LRP12: variants seen among roughly 807,000 people sequenced by gnomAD.
LRP12 encodes the protein LDL receptor related protein 12, also known as low-density lipoprotein receptor-related protein 12.
In LRP12, 14 loss-of-function variants were observed where a neutral mutation model predicts 66.0. The observed-to-expected ratio is 0.21, with a 90% CI of 0.14 to 0.33. The LOEUF (loss-of-function observed/expected upper bound fraction) is 0.33. LRP12 is among the 10% of genes least tolerant of loss of function. The probability of loss-of-function intolerance (pLI) is 1.00; values close to 1 mark genes in which losing one functional copy is unlikely to be tolerated. For missense variants in LRP12, 889 were observed against 1,053.4 expected (o/e 0.84, Z 2.16); for synonymous variants, 357 against 359.1 (o/e 0.99, Z 0.07).
Position 104,586,848 on chromosome 8 carries a change from C to T in LRP12, c.79+1971G>A, listed in dbSNP as rs986173753. On this transcript the variant is annotated intron_variant, in intron 1 of 6. Transcript: ENST00000276654. The stretch of plus-strand genomic sequence containing the variant: ...GTTCACTACCTCCTTTTTTTTTTTA[C>T]ACTTTGAAACCTGCTGTGGCTTGAG... 8.0e-5 allele frequency among the ~76,000 whole-genome samples: 12 copies of T among 149,590 alleles called. No individual in the cohort carries two copies. In the South Asian group the frequency reaches 1.3e-3, roughly 16 times the overall value.
intron 2 of LRP12, among the ~76,000 whole-genome samples, chr8:104,519,943 TG>T (rs1486732439): frequency 2.6e-5 from 4 of 152,060 alleles, no homozygotes; most frequent in African/African-American, 9.7e-5. Context: ...GGTAATTTCT[TG>T]GTATCTTGAA....
Position 104,497,601 on chromosome 8 carries a change from T to C in LRP12, c.951A>G (p.Ile317Met). The C allele has an allele frequency of 6.2e-7, 1 of 1,613,890 alleles. No homozygotes were observed. The highest frequency in any genetic ancestry group is 8.5e-7 in the Non-Finnish European group (1 of 1,179,942). ...DGTGYGDYVK[I>M]YDGLEENPHK... is the part of the protein sequence containing the mutation. ...GTGGATTCTCCTCTAATCCATCATA[T>C]ATTTTGACATAATCACCATAACCAG... Residue 317 changes from isoleucine to methionine, a missense_variant, in exon 5 of 7, where the codon ATA becomes ATG. Coordinates refer to ENST00000276654, the MANE Select transcript of LRP12 (RefSeq NM_013437.5). The surrounding 1 kb of genome is among the most constrained non-coding windows in gnomAD (Gnocchi z 4.3).
chr8:104,523,789 C>T (rs936844090), intron 2 of LRP12, among the ~76,000 whole-genome samples: 1 of 152,152 alleles, frequency 6.6e-6, no homozygotes, highest in African/African-American at 2.4e-5. Context: ...GTACTGTAGA[C>T]TGAGGTCTGC....
At chr8:104,581,411 CAACA>C (rs1412346470) in intron 1 of LRP12, among the ~76,000 whole-genome samples, 10 of 151,038 alleles carry the variant, frequency 6.6e-5, no homozygotes, top group Non-Finnish European at 5.9e-5. Context: ...ATAATCTGTA[CAACA>C]AACAGATTAA....
intron 2 of LRP12, among the ~76,000 whole-genome samples, chr8:104,509,948 G>T (rs1413840439): frequency 6.6e-6 from 1 of 152,168 alleles, no homozygotes; most frequent in Non-Finnish European, 1.5e-5. Context: ...ATCCCTCATA[G>T]ATAAGGAGGG....
At chr8:104,575,524 C>T (rs190054448) in intron 1 of LRP12, among the ~76,000 whole-genome samples, 6 of 152,228 alleles carry the variant, frequency 3.9e-5, no homozygotes, top group African/African-American at 1.2e-4. Flanking sequence ...TGAGCACTGG[C>T]CCCCTAAAAT....
At chr8:104,547,539 A>ATTTG (rs1811599437) in intron 1 of LRP12, among the ~76,000 whole-genome samples, 1 of 128,344 alleles carries the variant, frequency 7.8e-6, no homozygotes, top group Non-Finnish European at 1.6e-5. Context: ...TATTTTGTAT[A>ATTTG]TAATATATAA....
At position 104,547,612 on chromosome 8, in the gene LRP12, AT is replaced by A. The variant is rs1564141438; in HGVS notation, c.80-15650del. Among the ~76,000 whole-genome samples the A allele has an allele frequency of 2.4e-5, 3 of 123,062 alleles. No individual in the cohort carries two copies. The South Asian group carries it at 7.1e-4, about 29-fold the overall frequency. The allele number at this position is 123,062 out of a possible 152,430, so 80.7% of individuals were successfully genotyped here. A position where few individuals can be genotyped will look rare whatever the true frequency, so the allele number is the denominator to read the frequency against. On this transcript the variant is annotated intron_variant, in intron 1 of 6. Transcript: ENST00000276654. ...TATAATATATAATAATTATTAATATATAATATATTAATATATAATAAATATA... is the reference window on the plus strand; with the variant it reads ...TATAATATATAATAATTATTAATATAAATATATTAATATATAATAAATATA...
At chr8:104,542,301 C>T (rs185524652) in intron 1 of LRP12, among the ~76,000 whole-genome samples, 4 of 152,190 alleles carry the variant, frequency 2.6e-5, no homozygotes, top group Admixed American at 2.0e-4. Context: ...TTTGGAGAAA[C>T]GTCCTTTCAA....
intron 6 of LRP12, among the ~76,000 whole-genome samples, chr8:104,492,848 T>TA (rs532270334): frequency 0.056 from 8,082 of 144,156 alleles, 689 homozygotes; most frequent in African/African-American, 0.19. Flanking sequence ...AACTACAAAT[T>TA]AAAAAAAAAA....
intron 2 of LRP12, among the ~76,000 whole-genome samples, chr8:104,522,370 T>C: frequency 6.6e-6 from 1 of 152,124 alleles, no homozygotes; most frequent in East Asian, 1.9e-4. Context: ...GGTGATGATT[T>C]TGATAGAATA....
At chr8:104,569,288 G>A (rs1486962784) in intron 1 of LRP12, among the ~76,000 whole-genome samples, 2 of 152,180 alleles carry the variant, frequency 1.3e-5, no homozygotes, top group East Asian at 1.9e-4. Context: ...GGTAGTGATT[G>A]TTAATAGGTA....
At position 104,499,430 on chromosome 8, in the gene LRP12, G is replaced by C; in HGVS notation, c.362C>G (p.Ala121Gly). 6.2e-7 allele frequency: 1 copy of C among 1,613,434 alleles called. No individual in the cohort carries two copies. The highest frequency in any genetic ancestry group is 8.5e-7 in the Non-Finnish European group (1 of 1,179,508). ...CGGAGGTGGAATTGTGGAACCACAA[G>C]CTCTGTAACTTTCAATATTCTTGTA... ...ETYKNIESYR[A>G]CGSTIPPPYI... The change falls in exon 4 of 7, where the codon GCT (alanine) becomes GGT (glycine). Residue 121 changes from alanine (A) to glycine (G), a missense_variant. This residue lies in a region of LRP12 where 800 missense variants were observed against 964.5 expected (regional missense o/e 0.83). Coordinates refer to ENST00000276654, the MANE Select transcript of LRP12 (RefSeq NM_013437.5).
At chr8:104,576,693 T>A (rs1205505501) in intron 1 of LRP12, among the ~76,000 whole-genome samples, 1 of 152,098 alleles carries the variant, frequency 6.6e-6, no homozygotes, top group Non-Finnish European at 1.5e-5. Flanking sequence ...ATAAAGCAAC[T>A]GCATAAACAA....
intron 1 of LRP12, among the ~76,000 whole-genome samples, chr8:104,577,666 C>T (rs1041316388): frequency 6.6e-6 from 1 of 151,904 alleles, no homozygotes; most frequent in Non-Finnish European, 1.5e-5. Context: ...AAAAAATTAG[C>T]TGGGCGTGGT....
chr8:104,545,497 CTTATT>C (rs1190338786), intron 1 of LRP12, among the ~76,000 whole-genome samples: 1 of 152,122 alleles, frequency 6.6e-6, no homozygotes, highest in East Asian at 1.9e-4. Context: ...TCATTGCTGT[CTTATT>C]TTAAGAAATT....
chr8:104,569,878 A>T (rs1000814426), intron 1 of LRP12, among the ~76,000 whole-genome samples: 1 of 152,192 alleles, frequency 6.6e-6, no homozygotes, highest in Non-Finnish European at 1.5e-5. Flanking sequence ...TACTGTCCAT[A>T]TTCACAGAAG....
At chr8:104,505,524 TCCTGAGTAG>T (rs1236672015) in intron 3 of LRP12, 5 of 148,010 alleles carry the variant, frequency 3.4e-5, no homozygotes, top group African/African-American at 1.2e-4. Flanking sequence ...TGCCTCAGCC[TCCTGAGTAG>T]CTAGGATTAT....
rs1325402432 is a variant in LRP12, at chr8:104,588,890, C to T, written c.8G>A (p.Cys3Tyr). 1 of 1,609,342 alleles carries T rather than the reference C, an allele frequency of 6.2e-7. No homozygotes were observed. The highest frequency in any genetic ancestry group is 1.3e-5 in the African/African-American group (1 of 74,936). ...CGGAGACTCTTTTGTGCTCCAGCGA[C>T]AGGCCATAACCACAGCAGATGGAGA... MA[C>Y]RWSTKESPRW... The change falls in exon 1 of 7, where the codon TGT (cysteine) becomes TAT (tyrosine). Residue 3 changes from cysteine to tyrosine, a missense_variant. Physicochemically the swap from Cys to Tyr is radical, Grantham distance 194. Transcript: ENST00000276654.
Sources: gnomAD v4.1 joint callset for allele counts (sites outside exome capture counted in the v4.1 genomes callset) on GRCh38, gnomAD v4.1.1 for gene constraint, gnomAD v4.1.1 regional missense constraint, Gnocchi (gnomAD v3.1) non-coding constraint, MANE v1.5 for transcripts, NCBI Gene and HGNC (gene_info 2026-07-23, HGNC 2026-07-21) for gene names.